Variants in PLXDC2 observed in about 807,000 individuals in gnomAD.
PLXDC2 encodes the protein plexin domain-containing protein 2.
Under a neutral mutation model 68.9 loss-of-function variants are expected in PLXDC2, and 40 were observed. That is an observed-to-expected ratio of 0.58 (90% CI 0.45 to 0.76). PLXDC2 has a LOEUF of 0.76. Ranked by LOEUF, PLXDC2 falls within the 30% of genes least tolerant of loss-of-function variation. PLXDC2 has a pLI of 0.00. For missense variants in PLXDC2, 644 were observed against 661.9 expected (o/e 0.97, Z 0.30); for synonymous variants, 243 against 234.2 (o/e 1.04, Z -0.34).
intron 1 of PLXDC2, among the ~76,000 whole-genome samples, chr10:19,889,069 A>C (rs1034243404): frequency 6.6e-6 from 1 of 152,056 alleles, no homozygotes; most frequent in Non-Finnish European, 1.5e-5. Flanking sequence ...AACATTTTTT[A>C]TGATAATATA....
chr10:19,819,006 C>T lies in PLXDC2; in HGVS notation c.112+1815C>T, dbSNP rs139825307. Reference sequence around the variant, plus strand: ...TCTTTTTATAAACCTGTTCCAGTAACGTTACTGAAAAAAGAATATATGTAT... The same window carrying T: ...TCTTTTTATAAACCTGTTCCAGTAATGTTACTGAAAAAAGAATATATGTAT... On this transcript the variant is annotated intron_variant, in intron 1 of 13. Transcript: ENST00000377252. Among the ~76,000 whole-genome samples the T allele has an allele frequency of 2.6e-4, 38 of 146,836 alleles. No homozygotes were observed. In the East Asian group the frequency reaches 6.2e-3, roughly 24 times the overall value.
At chr10:20,205,402 T>G (rs1251036898) in intron 9 of PLXDC2, among the ~76,000 whole-genome samples, 2 of 152,118 alleles carry the variant, frequency 1.3e-5, no homozygotes, top group African/African-American at 4.8e-5. Flanking sequence ...CACATTTTGT[T>G]GAAATCAATT....
At chr10:20,217,121 T>A (rs1262671375) in intron 10 of PLXDC2, among the ~76,000 whole-genome samples, 1 of 152,216 alleles carries the variant, frequency 6.6e-6, no homozygotes, top group Non-Finnish European at 1.5e-5. Flanking sequence ...CAGTGTGTCT[T>A]TTATAAATAT....
intron 1 of PLXDC2, among the ~76,000 whole-genome samples, chr10:19,922,389 A>G (rs1833474519): frequency 6.6e-6 from 1 of 152,134 alleles, no homozygotes; most frequent in African/African-American, 2.4e-5. Flanking sequence ...AGGCAGTGAG[A>G]CACACATCAG....
chr10:19,892,639 A>G (rs148983207), intron 1 of PLXDC2, among the ~76,000 whole-genome samples: 202 of 152,304 alleles, frequency 1.3e-3, no homozygotes, highest in Admixed American at 2.7e-3. Flanking sequence ...GCCCAATCCT[A>G]TAGTAGAATT....
intron 12 of PLXDC2, among the ~76,000 whole-genome samples, chr10:20,225,841 G>A (rs7075954): frequency 0.87 from 132,153 of 152,162 alleles, 57,982 homozygotes; most frequent in Middle Eastern, 0.95. Flanking sequence ...GATTATTCCA[G>A]TGTTAAGTTG....
At chr10:20,074,146 AT>A (rs992000951) in intron 4 of PLXDC2, among the ~76,000 whole-genome samples, 2 of 152,160 alleles carry the variant, frequency 1.3e-5, no homozygotes, top group African/African-American at 4.8e-5. Flanking sequence ...GGTGATATGA[AT>A]TTAAAAGCTA....
At chr10:19,994,026 CT>C (rs1564650437) in intron 1 of PLXDC2, among the ~76,000 whole-genome samples, 9 of 152,042 alleles carry the variant, frequency 5.9e-5, no homozygotes, top group South Asian at 2.1e-4. Flanking sequence ...TAAAATTGTT[CT>C]TTTTTTCATC....
chr10:19,939,198 TC>T (rs1361019856), intron 1 of PLXDC2, among the ~76,000 whole-genome samples: 4 of 152,174 alleles, frequency 2.6e-5, no homozygotes, highest in Non-Finnish European at 5.9e-5. Flanking sequence ...CATCTGAATG[TC>T]CCCTCTGGGA....
rs764546876 is a variant in PLXDC2 at position 19,932,448 on chromosome 10, G to A, written c.113-69327G>A. On this transcript the variant is annotated intron_variant, in intron 1 of 13. Transcript: ENST00000377252. Reference sequence around the variant, plus strand: ...CAAGGCTTGAAATATCTTTCAGCACGTATTAAAATAAACATGCACTTTCAT... The same window carrying A: ...CAAGGCTTGAAATATCTTTCAGCACATATTAAAATAAACATGCACTTTCAT... Among the ~76,000 whole-genome samples, 8 of 152,222 alleles carry A rather than the reference G, an allele frequency of 5.3e-5. 1 individual carries two copies. Among genetic ancestry groups the A allele is most frequent in the South Asian group, 2.1e-4 (1 of 4,822 alleles).
intron 1 of PLXDC2, among the ~76,000 whole-genome samples, chr10:19,884,935 T>G (rs1359778627): frequency 6.6e-6 from 1 of 152,176 alleles, no homozygotes; most frequent in African/African-American, 2.4e-5. Context: ...CACACTGACT[T>G]CCACAAGGGT....
rs1370093831 is a variant in PLXDC2, at chr10:20,288,356, T to C, written c.*8537T>C. 1 of 152,046 alleles carries C rather than the reference T, an allele frequency of 6.6e-6. No homozygotes were observed. Among genetic ancestry groups the C allele is most frequent in the Admixed American group, 6.6e-5 (1 of 15,254 alleles). The allele number at this position is 152,046 out of a possible 1,614,324, so 9.4% of individuals were successfully genotyped here. A position where few individuals can be genotyped will look rare whatever the true frequency, so the allele number is the denominator to read the frequency against. On this transcript the variant is annotated 3_prime_UTR_variant, in exon 14 of 14. Coordinates refer to ENST00000377252, the MANE Select transcript of PLXDC2 (RefSeq NM_032812.9). ...GTCCTCTGGGCATCATTCCTATTTC[T>C]TCTGCCATGTCAAGGAGAAATTCCA...
intron 9 of PLXDC2, among the ~76,000 whole-genome samples, chr10:20,181,976 C>T (rs1341987255): frequency 2.6e-5 from 4 of 151,496 alleles, no homozygotes; most frequent in Non-Finnish European, 4.4e-5. Context: ...TGCAATAGTG[C>T]ACAGGAGGTA....
chr10:19,840,246 T>C (rs1836878027), intron 1 of PLXDC2, among the ~76,000 whole-genome samples: 1 of 152,174 alleles, frequency 6.6e-6, no homozygotes, highest in Non-Finnish European at 1.5e-5. Flanking sequence ...AAATAAAAGT[T>C]TTATTCATTT....
At chr10:20,116,187 A>G (rs531478251) in intron 4 of PLXDC2, among the ~76,000 whole-genome samples, 61 of 152,232 alleles carry the variant, frequency 4.0e-4, no homozygotes, top group Admixed American at 2.0e-3. Context: ...TAAGGAGATC[A>G]TAGCTTTGCC....
chr10:20,219,621 C>G (rs1835184424), intron 12 of PLXDC2, among the ~76,000 whole-genome samples: 1 of 151,992 alleles, frequency 6.6e-6, no homozygotes. Flanking sequence ...TTAGAAATAT[C>G]TATAATGGTA....
At chr10:19,977,120 G>C (rs1238022372) in intron 1 of PLXDC2, among the ~76,000 whole-genome samples, 1 of 152,174 alleles carries the variant, frequency 6.6e-6, no homozygotes, top group African/African-American at 2.4e-5. Flanking sequence ...GCATTCTTCA[G>C]ATGTTGTGAA....
chr10:20,022,726 G>A lies in PLXDC2; in HGVS notation c.324+20740G>A, dbSNP rs539591778. 7.2e-5 allele frequency among the ~76,000 whole-genome samples: 11 copies of A among 152,230 alleles called. No homozygotes were observed. The South Asian group carries it at 1.7e-3, about 23-fold the overall frequency. On this transcript the variant is annotated intron_variant, in intron 2 of 13. Coordinates refer to ENST00000377252, the MANE Select transcript of PLXDC2 (RefSeq NM_032812.9). Reference sequence around the variant, plus strand: ...AACCAGAATGAGCTTAGGAGTTCCTGAAGGCCCTGTACCAAGGCGAAGAGT... The same window carrying A: ...AACCAGAATGAGCTTAGGAGTTCCTAAAGGCCCTGTACCAAGGCGAAGAGT...
At chr10:19,966,118 T>C (rs1834244052) in intron 1 of PLXDC2, among the ~76,000 whole-genome samples, 1 of 150,896 alleles carries the variant, frequency 6.6e-6, no homozygotes, top group Non-Finnish European at 1.5e-5. Context: ...AAGTCATATT[T>C]CTTTCTTTCT....
Sources: allele counts gnomAD v4.1 joint callset (sites outside exome capture counted in the v4.1 genomes callset), GRCh38; gene constraint gnomAD v4.1.1; transcripts MANE v1.5; gene names NCBI Gene and HGNC (gene_info 2026-07-23, HGNC 2026-07-21).